Variants in GMDS observed in about 807,000 individuals in gnomAD.
The protein encoded by GMDS is GDP-mannose 4,6 dehydratase.
Under a neutral mutation model 49.9 loss-of-function variants are expected in GMDS, and 20 were observed. The ratio of observed to expected loss-of-function variants is 0.40; its 90% confidence interval spans 0.28 to 0.58. GMDS has a LOEUF of 0.58. GMDS is among the 20% of genes least tolerant of loss of function. The pLI is 0.42. For synonymous variants in GMDS, 177 were observed against 178.6 expected (o/e 0.99, Z 0.07); for missense variants, 362 against 481.4 (o/e 0.75, Z 2.32).
intron 4 of GMDS, among the ~76,000 whole-genome samples, chr6:2,064,078 G>A (rs991701986): frequency 2.6e-5 from 4 of 152,122 alleles, no homozygotes; most frequent in African/African-American, 9.7e-5. Context: ...ATGTGGAAAA[G>A]AGATCTCACA....
chr6:1,690,671 C>T (rs1245259661), intron 9 of GMDS, among the ~76,000 whole-genome samples: 1 of 152,068 alleles, frequency 6.6e-6, no homozygotes, highest in Non-Finnish European at 1.5e-5. Flanking sequence ...AAGAAAAAAA[C>T]CAAACAACTC....
At chr6:1,992,498 G>A (rs1240872025) in intron 4 of GMDS, among the ~76,000 whole-genome samples, 4 of 152,058 alleles carry the variant, frequency 2.6e-5, no homozygotes, top group South Asian at 2.1e-4. Flanking sequence ...GCATGTTCCC[G>A]ACCTAGGGGC....
chr6:2,235,035 G>T (rs1265040917), intron 1 of GMDS, among the ~76,000 whole-genome samples: 1 of 152,144 alleles, frequency 6.6e-6, no homozygotes, highest in East Asian at 1.9e-4. Context: ...TGAGGCAGGA[G>T]AATCGCTTGA....
chr6:1,906,827 G>A (rs1760802369), intron 7 of GMDS, among the ~76,000 whole-genome samples: 1 of 152,158 alleles, frequency 6.6e-6, no homozygotes, highest in South Asian at 2.1e-4. Flanking sequence ...AACGGTCCCA[G>A]GCTACTCAAA....
intron 8 of GMDS, among the ~76,000 whole-genome samples, chr6:1,734,194 T>C (rs1424137653): frequency 2.0e-5 from 3 of 152,156 alleles, no homozygotes; most frequent in Non-Finnish European, 4.4e-5. Flanking sequence ...CCATCTTATT[T>C]ATGATAATTA....
chr6:2,016,067 TAA>T (rs551256530), intron 4 of GMDS, among the ~76,000 whole-genome samples: 25 of 123,036 alleles, frequency 2.0e-4, no homozygotes, highest in Admixed American at 3.3e-4. Context: ...ACCCTGTTTC[TAA>T]AAAAAAAAAA....
chr6:1,886,886 C>T (rs1759632691), intron 7 of GMDS, among the ~76,000 whole-genome samples: 1 of 152,110 alleles, frequency 6.6e-6, no homozygotes, highest in Non-Finnish European at 1.5e-5. Context: ...CTTATTTGCT[C>T]TTAGCATTTT....
chr6:1,835,256 G>A (rs1462327951), intron 7 of GMDS, among the ~76,000 whole-genome samples: 1 of 152,200 alleles, frequency 6.6e-6, no homozygotes, highest in Non-Finnish European at 1.5e-5. Flanking sequence ...CACAGGGACA[G>A]ATCACTGGGA....
intron 1 of GMDS, among the ~76,000 whole-genome samples, chr6:2,169,206 A>C (rs1299498602): frequency 1.3e-5 from 2 of 152,218 alleles, no homozygotes; most frequent in Non-Finnish European, 2.9e-5. Flanking sequence ...ACTTTGAAAA[A>C]CCTAATAATG....
chr6:2,239,965 C>A (rs1781537874), intron 1 of GMDS, among the ~76,000 whole-genome samples: 1 of 152,196 alleles, frequency 6.6e-6, no homozygotes, highest in African/African-American at 2.4e-5. Flanking sequence ...TCCCAAAGTG[C>A]TGGGACCACA....
At chr6:1,718,721 C>A (rs1766262882) in intron 9 of GMDS, among the ~76,000 whole-genome samples, 1 of 151,452 alleles carries the variant, frequency 6.6e-6, no homozygotes, top group East Asian at 1.9e-4. Context: ...AATAAACATT[C>A]TTTTCAAAAT....
intron 7 of GMDS, among the ~76,000 whole-genome samples, chr6:1,922,606 A>T (rs890300720): frequency 6.6e-6 from 1 of 152,120 alleles, no homozygotes; most frequent in African/African-American, 2.4e-5. Flanking sequence ...AAAACTACCG[A>T]TAGCCCGTCC....
chr6:1,864,888 G>C (rs1396669769), intron 7 of GMDS, among the ~76,000 whole-genome samples: 1 of 152,134 alleles, frequency 6.6e-6, no homozygotes, highest in Non-Finnish European at 1.5e-5. Context: ...ATGATACCTT[G>C]AGTTTACAAC....
chr6:2,005,583 C>T (rs771439852), intron 4 of GMDS, among the ~76,000 whole-genome samples: 2 of 152,164 alleles, frequency 1.3e-5, no homozygotes, highest in Admixed American at 6.5e-5. Context: ...GTCTGTCACT[C>T]GACTCACTCT....
At chr6:2,217,220 C>G (rs1057033645) in intron 1 of GMDS, among the ~76,000 whole-genome samples, 2 of 152,030 alleles carry the variant, frequency 1.3e-5, no homozygotes, top group African/African-American at 4.8e-5. Context: ...GGCTGCACCC[C>G]CTCCCACCTG....
chr6:1,650,429 A>C (rs62390649), intron 9 of GMDS, among the ~76,000 whole-genome samples: 18,629 of 152,202 alleles, frequency 0.12, 1,520 homozygotes, highest in Non-Finnish European at 0.18. Context: ...GCACCTTTTA[A>C]GAACGTGTGA....
intron 7 of GMDS, among the ~76,000 whole-genome samples, chr6:1,913,778 G>A (rs1012446720): frequency 2.6e-5 from 4 of 152,294 alleles, no homozygotes; most frequent in South Asian, 2.1e-4. Context: ...AGGAAACGAA[G>A]CCAGATGGTT....
chr6:1,984,140 T>C (rs1469676752), intron 4 of GMDS, among the ~76,000 whole-genome samples: 6 of 152,186 alleles, frequency 3.9e-5, no homozygotes. Context: ...AAATACTGTG[T>C]GTTCTCACTT....
At chr6:1,768,819 A>C (rs1768463531) in intron 7 of GMDS, among the ~76,000 whole-genome samples, 1 of 152,220 alleles carries the variant, frequency 6.6e-6, no homozygotes, top group South Asian at 2.1e-4. Flanking sequence ...TATCTTTTGA[A>C]TATTCATAAT....
Sources: gnomAD v4.1 joint callset for allele counts (sites outside exome capture counted in the v4.1 genomes callset) on GRCh38, gnomAD v4.1.1 for gene constraint, MANE v1.5 for transcripts, NCBI Gene and HGNC (gene_info 2026-07-23, HGNC 2026-07-21) for gene names.